The following KLHL20 variants were observed in gnomAD, a reference collection of about 807,000 sequenced individuals.
KLHL20 encodes kelch-like protein 20.
Under a neutral mutation model 69.5 loss-of-function variants are expected in KLHL20, and 29 were observed. The ratio of observed to expected loss-of-function variants is 0.42; its 90% CI spans 0.31 to 0.57. KLHL20 has a LOEUF of 0.57. KLHL20 is among the 20% of genes least tolerant of loss of function. The probability of loss-of-function intolerance (pLI) is 0.18; values close to 1 mark genes in which losing one functional copy is unlikely to be tolerated. For synonymous variants in KLHL20, 253 were observed against 265.2 expected (o/e 0.95, Z 0.45); for missense variants, 419 against 776.0 (o/e 0.54, Z 5.47).
At chr1:173,775,912 G>T in intron 10 of KLHL20, 70 bp downstream of exon 10, 1 of 1,282,562 alleles carries the variant, frequency 7.8e-7, no homozygotes, top group Non-Finnish European at 1.1e-6. Context: ...AAACATGGGA[G>T]TGCAGATATC....
chr1:173,777,865 T>C (rs1221920056), intron 10 of KLHL20, among the ~76,000 whole-genome samples: 3 of 152,176 alleles, frequency 2.0e-5, no homozygotes, highest in Admixed American at 6.5e-5. Context: ...TATTGGACTG[T>C]AGCTTTCTTT....
At chr1:173,761,444 A>G (rs1216769699) in intron 7 of KLHL20, among the ~76,000 whole-genome samples, 1 of 152,214 alleles carries the variant, frequency 6.6e-6, no homozygotes, top group Non-Finnish European at 1.5e-5. Flanking sequence ...ATTCTATTCA[A>G]CAGCTCATGG....
intron 2 of KLHL20, among the ~76,000 whole-genome samples, chr1:173,728,745 G>A (rs1211188707): frequency 7.2e-5 from 11 of 152,152 alleles, no homozygotes; most frequent in Non-Finnish European, 1.5e-4. Context: ...TCAAAGCAGT[G>A]TGTAGAGGGA....
chr1:173,747,476 T>C (rs970471457), intron 3 of KLHL20, among the ~76,000 whole-genome samples: 2 of 152,078 alleles, frequency 1.3e-5, no homozygotes, highest in Non-Finnish European at 2.9e-5. Context: ...CTCGTTTTCT[T>C]ATTGTTTCCA....
chr1:173,716,032 T>A lies in KLHL20; in HGVS notation c.-12T>A, dbSNP rs1571837696. 6.2e-7 allele frequency: 1 copy of A among 1,613,474 alleles called. No individual in the cohort carries two copies. Among genetic ancestry groups the A allele is most frequent in the East Asian group, 2.2e-5 (1 of 44,866 alleles). ...GGCTTTAGAGTGTGGTGAAGGGTAC[T>A]TTTCATGGTGCATGGAAGGAAAGCC... On this transcript the variant is annotated 5_prime_UTR_variant, in exon 2 of 12. Transcript: ENST00000209884.
chr1:173,733,703 A>G lies in KLHL20; in HGVS notation c.24-10A>G. On this transcript the variant is annotated splice_polypyrimidine_tract_variant and intron_variant, in intron 2 of 11. Transcript: ENST00000209884. ...TGCCATCTTCTCTCTCTCCCCCATC[A>G]TTCCTATAGGTGTACCAACATTCGA... 6.3e-7 allele frequency: 1 copy of G among 1,585,884 alleles called. No homozygotes were observed. The highest frequency in any genetic ancestry group is 8.6e-7 in the Non-Finnish European group (1 of 1,162,620).
chr1:173,770,779 A>T (rs1648043565), intron 8 of KLHL20, among the ~76,000 whole-genome samples: 1 of 152,128 alleles, frequency 6.6e-6, no homozygotes, highest in Non-Finnish European at 1.5e-5. Context: ...TACAGGTGAT[A>T]GCAGTCCTTA....
At chr1:173,740,553 C>T (rs755271665) in intron 3 of KLHL20, among the ~76,000 whole-genome samples, 3 of 151,980 alleles carry the variant, frequency 2.0e-5, no homozygotes, top group Non-Finnish European at 4.4e-5. Flanking sequence ...CTCTTAGCAC[C>T]GCTTTTGCTG....
intron 2 of KLHL20, among the ~76,000 whole-genome samples, chr1:173,725,846 A>C (rs1052328360): frequency 6.6e-6 from 1 of 152,224 alleles, no homozygotes; most frequent in African/African-American, 2.4e-5. Flanking sequence ...TGATTTCTGC[A>C]TTTCCAACTG....
At chr1:173,749,725 T>A (rs781539168) in intron 3 of KLHL20, among the ~76,000 whole-genome samples, 7 of 152,224 alleles carry the variant, frequency 4.6e-5, no homozygotes, top group African/African-American at 7.2e-5. Flanking sequence ...AACTTGGTGA[T>A]CATTGATATT....
intron 3 of KLHL20, chr1:173,734,593 G>A: frequency 3.3e-6 from 1 of 301,452 alleles, no homozygotes; most frequent in Non-Finnish European, 6.3e-6. Flanking sequence ...TGCCTGATAG[G>A]ATACCTGGTA....
At chr1:173,762,053 C>T (rs1370032034) in intron 7 of KLHL20, among the ~76,000 whole-genome samples, 2 of 152,084 alleles carry the variant, frequency 1.3e-5, no homozygotes, top group Admixed American at 6.5e-5. Context: ...ACAACTGACA[C>T]CACTGAAATA....
chr1:173,717,179 C>A (rs887140874), intron 2 of KLHL20, among the ~76,000 whole-genome samples: 1 of 152,178 alleles, frequency 6.6e-6, no homozygotes, highest in Non-Finnish European at 1.5e-5. Context: ...CTGATTGTGT[C>A]TCATCTCCAG....
chr1:173,729,846 A>C (rs1030812886), intron 2 of KLHL20, among the ~76,000 whole-genome samples: 1 of 152,188 alleles, frequency 6.6e-6, no homozygotes, highest in African/African-American at 2.4e-5. Context: ...CCTATTCAAC[A>C]TAGTGTTGGA....
chr1:173,719,617 CA>C (rs58489961), intron 2 of KLHL20, among the ~76,000 whole-genome samples: 3,924 of 129,964 alleles, frequency 0.03, 172 homozygotes, highest in African/African-American at 0.1. Flanking sequence ...GAATCCGTCT[CA>C]AAAAAAAAAA....
At chr1:173,754,605 CACAG>C (rs1405412646) in intron 5 of KLHL20, among the ~76,000 whole-genome samples, 1 of 145,888 alleles carries the variant, frequency 6.9e-6, no homozygotes, top group Non-Finnish European at 1.5e-5. Context: ...AAAAAAAACA[CACAG>C]ACAAATGGCA....
At chr1:173,774,191 C>T (rs1388631637) in intron 8 of KLHL20, 114 bp from the exon 9 acceptor site, 3 of 1,218,666 alleles carry the variant, frequency 2.5e-6, no homozygotes, top group Non-Finnish European at 3.5e-6. Context: ...TTTCATTGCA[C>T]ATTTGACTAT....
At chr1:173,736,607 T>A (rs1163343256) in intron 3 of KLHL20, among the ~76,000 whole-genome samples, 6 of 151,760 alleles carry the variant, frequency 4.0e-5, no homozygotes, top group Non-Finnish European at 7.4e-5. Flanking sequence ...TTTTTTTTTT[T>A]AATTTTGAAA....
At chr1:173,732,101 G>C (rs1672309252) in intron 2 of KLHL20, among the ~76,000 whole-genome samples, 1 of 151,970 alleles carries the variant, frequency 6.6e-6, no homozygotes, top group Admixed American at 6.6e-5. Context: ...GGAGGCTGAG[G>C]CAGGAGAATC....
Sources: allele counts gnomAD v4.1 joint callset (sites outside exome capture counted in the v4.1 genomes callset), GRCh38; gene constraint gnomAD v4.1.1; transcripts MANE v1.5; gene names NCBI Gene and HGNC (gene_info 2026-07-23, HGNC 2026-07-21).